Variants in PLXDC2 observed in about 807,000 individuals in gnomAD.
The protein encoded by PLXDC2 is plexin domain-containing protein 2.
In PLXDC2, 40 loss-of-function variants were observed where a neutral mutation model predicts 68.9. That is an observed-to-expected ratio of 0.58 (90% CI 0.45 to 0.76). The LOEUF (loss-of-function observed/expected upper bound fraction) is 0.76, where lower values mean the gene tolerates loss of function less well. Among genes scored for constraint, PLXDC2 ranks in the 30% least tolerant of loss-of-function variants. PLXDC2 has a pLI of 0.00. For missense variants in PLXDC2, 644 were observed against 661.9 expected, an observed-to-expected ratio of 0.97 and a Z score of 0.30; for synonymous variants, 243 against 234.2, an observed-to-expected ratio of 1.04 and a Z score of -0.34.
intron 3 of PLXDC2, among the ~76,000 whole-genome samples, chr10:20,053,838 G>T (rs976358816): frequency 6.6e-6 from 1 of 151,938 alleles, no homozygotes; most frequent in Non-Finnish European, 1.5e-5. Context: ...TGGAAGAAAG[G>T]GGGTAAAAAT....
intron 9 of PLXDC2, among the ~76,000 whole-genome samples, chr10:20,208,900 C>T (rs1230575245): frequency 1.3e-5 from 2 of 151,986 alleles, no homozygotes; most frequent in Non-Finnish European, 2.9e-5. Context: ...CTCCCCAAGC[C>T]ATAAAACCAG....
At chr10:20,032,550 G>A (rs1051111857) in intron 2 of PLXDC2, among the ~76,000 whole-genome samples, 3 of 152,126 alleles carry the variant, frequency 2.0e-5, no homozygotes, top group African/African-American at 7.2e-5. Context: ...CAGTGAGAGA[G>A]CTCTTACAGA....
At chr10:20,055,547 G>A (rs1484700127) in intron 3 of PLXDC2, among the ~76,000 whole-genome samples, 5 of 152,032 alleles carry the variant, frequency 3.3e-5, no homozygotes, top group Non-Finnish European at 5.9e-5. Flanking sequence ...TGTTCATAAT[G>A]TCAAACAGTA....
chr10:19,954,840 C>T (rs1340266690), intron 1 of PLXDC2, among the ~76,000 whole-genome samples: 1 of 152,182 alleles, frequency 6.6e-6, no homozygotes, highest in African/African-American at 2.4e-5. Context: ...TTTTGGTCTA[C>T]TTACAGGAGA....
chr10:20,090,688 C>G (rs776017071), intron 4 of PLXDC2, among the ~76,000 whole-genome samples: 4 of 152,014 alleles, frequency 2.6e-5, no homozygotes, highest in Non-Finnish European at 4.4e-5. Context: ...GTGCATAATA[C>G]TTGTGAATAT....
intron 1 of PLXDC2, among the ~76,000 whole-genome samples, chr10:19,992,915 C>A (rs2131630102): frequency 6.6e-6 from 1 of 152,234 alleles, no homozygotes; most frequent in Admixed American, 6.5e-5. Flanking sequence ...TATCACTAGG[C>A]TTTGTCACAG....
intron 4 of PLXDC2, among the ~76,000 whole-genome samples, chr10:20,105,366 C>T (rs938189934): frequency 5.3e-5 from 8 of 152,170 alleles, no homozygotes; most frequent in Admixed American, 5.2e-4. Flanking sequence ...TCTTCTGACT[C>T]TCAGGTAAAA....
At chr10:20,208,530 A>G (rs1835023866) in intron 9 of PLXDC2, among the ~76,000 whole-genome samples, 2 of 152,190 alleles carry the variant, frequency 1.3e-5, no homozygotes, top group Non-Finnish European at 2.9e-5. Context: ...AAAGTATATC[A>G]TATATGTTTA....
chr10:20,162,965 C>T (rs1055587171), intron 6 of PLXDC2, among the ~76,000 whole-genome samples: 1 of 149,796 alleles, frequency 6.7e-6, no homozygotes, highest in African/African-American at 2.5e-5. Context: ...CCTGTAATCT[C>T]AGCTATTTGG....
At chr10:19,931,866 A>G (rs1006320950) in intron 1 of PLXDC2, among the ~76,000 whole-genome samples, 8 of 152,302 alleles carry the variant, frequency 5.3e-5, no homozygotes, top group Admixed American at 3.9e-4. Flanking sequence ...CATAAAAAAT[A>G]TTATTGGAGC....
chr10:20,004,403 T>C (rs1262240581), intron 2 of PLXDC2, among the ~76,000 whole-genome samples: 1 of 152,156 alleles, frequency 6.6e-6, no homozygotes, highest in Admixed American at 6.5e-5. Context: ...GCAATGATGA[T>C]GTTATAGCAA....
At chr10:19,883,303 G>A (rs1400221403) in intron 1 of PLXDC2, among the ~76,000 whole-genome samples, 1 of 152,078 alleles carries the variant, frequency 6.6e-6, no homozygotes, top group African/African-American at 2.4e-5. Flanking sequence ...TTAAAAGTGC[G>A]TATTTTATAT....
intron 7 of PLXDC2, among the ~76,000 whole-genome samples, chr10:20,173,153 A>G (rs1158030754): frequency 6.6e-6 from 1 of 152,104 alleles, no homozygotes; most frequent in African/African-American, 2.4e-5. Context: ...GATACAGGCT[A>G]TTTCCATTAA....
At chr10:19,890,094 T>G (rs1250765958) in intron 1 of PLXDC2, among the ~76,000 whole-genome samples, 1 of 152,138 alleles carries the variant, frequency 6.6e-6, no homozygotes, top group African/African-American at 2.4e-5. Flanking sequence ...GTGACAAATT[T>G]GATAGCCTGC....
intron 4 of PLXDC2, among the ~76,000 whole-genome samples, chr10:20,088,148 G>A (rs1224582447): frequency 6.6e-6 from 1 of 152,226 alleles, no homozygotes; most frequent in African/African-American, 2.4e-5. Context: ...GCAGCCTGGA[G>A]TTGTTTCAAA....
At chr10:20,014,268 T>G (rs1393500092) in intron 2 of PLXDC2, among the ~76,000 whole-genome samples, 3 of 138,050 alleles carry the variant, frequency 2.2e-5, no homozygotes, top group African/African-American at 8.3e-5. Flanking sequence ...TCTCTCTTTC[T>G]CTCCTTCCTT....
chr10:20,072,456 AAAG>A (rs1242869813), intron 4 of PLXDC2, among the ~76,000 whole-genome samples: 4 of 139,664 alleles, frequency 2.9e-5, no homozygotes, highest in Non-Finnish European at 4.7e-5. Context: ...AAAGAAAGAA[AAAG>A]AAGAAAGAAA....
intron 9 of PLXDC2, among the ~76,000 whole-genome samples, chr10:20,178,682 C>A (rs1278964193): frequency 6.6e-6 from 1 of 151,974 alleles, no homozygotes; most frequent in Non-Finnish European, 1.5e-5. Context: ...TTGAAGAATG[C>A]AAAAATAAAA....
At position 20,082,064 on chromosome 10, in the gene PLXDC2, C is replaced by CAAAAAAAAAAAAAAA. The variant is rs1252447303; in HGVS notation, c.541+13837_541+13838insAAAAAAAAAAAAAAA. On this transcript the variant is annotated intron_variant, in intron 4 of 13. Transcript: ENST00000377252. ...CCATCTGAAAAAAAAAAAAAAAAATCAAAAAAAAAAAACAGGAGAAGTCTG... is the reference window on the plus strand; with the variant it reads ...CCATCTGAAAAAAAAAAAAAAAAATCAAAAAAAAAAAAAAAAAAAAAAAAAAACAGGAGAAGTCTG... Among the ~76,000 whole-genome samples the CAAAAAAAAAAAAAAA allele has an allele frequency of 5.9e-4, 41 of 69,752 alleles. 8 individuals carry two copies. Among genetic ancestry groups the CAAAAAAAAAAAAAAA allele is most frequent in the East Asian group, 1.2e-3 (2 of 1,628 alleles). 45.8% of individuals were successfully genotyped at this position (69,752 alleles called of 152,430 possible). A position where few individuals can be genotyped will look rare whatever the true frequency, so the allele number is the denominator to read the frequency against.
Sources: gnomAD v4.1 joint callset for allele counts (sites outside exome capture counted in the v4.1 genomes callset) on GRCh38, gnomAD v4.1.1 for gene constraint, MANE v1.5 for transcripts, NCBI Gene and HGNC (gene_info 2026-07-23, HGNC 2026-07-21) for gene names.